The following HS6ST3 variants were observed in gnomAD, a reference collection of about 807,000 sequenced individuals.
HS6ST3 encodes the protein heparan-sulfate 6-O-sulfotransferase 3.
Under a neutral mutation model 36.7 loss-of-function variants are expected in HS6ST3, and 12 were observed. That is an observed-to-expected ratio of 0.33 (90% CI 0.21 to 0.53). HS6ST3 has a LOEUF of 0.53. Ranked by LOEUF, HS6ST3 falls within the 20% of genes least tolerant of loss-of-function variation. The pLI is 0.95. For synonymous variants in HS6ST3, 240 were observed against 257.5 expected, an observed-to-expected ratio of 0.93 and a Z score of 0.65; for missense variants, 584 against 640.9, an observed-to-expected ratio of 0.91 and a Z score of 0.96.
chr13:96,113,331 T>G (rs1042362570), intron 1 of HS6ST3, among the ~76,000 whole-genome samples: 1 of 152,114 alleles, frequency 6.6e-6, no homozygotes, highest in Non-Finnish European at 1.5e-5. Context: ...GTGACTTGTT[T>G]TCTAGAAGTT....
At chr13:96,205,967 G>C (rs564081438) in intron 1 of HS6ST3, among the ~76,000 whole-genome samples, 2 of 152,148 alleles carry the variant, frequency 1.3e-5, no homozygotes, top group South Asian at 4.1e-4. Flanking sequence ...TGGCCAGGGA[G>C]ATCAGGCAAG....
At chr13:96,360,313 CAA>C (rs10712847) in intron 1 of HS6ST3, among the ~76,000 whole-genome samples, 3 of 151,304 alleles carry the variant, frequency 2.0e-5, no homozygotes, top group African/African-American at 2.4e-5. Flanking sequence ...GAGCTACTGA[CAA>C]AAAAAAATAG....
At chr13:96,238,533 C>T (rs1296990827) in intron 1 of HS6ST3, among the ~76,000 whole-genome samples, 1 of 152,202 alleles carries the variant, frequency 6.6e-6, no homozygotes, top group African/African-American at 2.4e-5. Flanking sequence ...AGATTAAATG[C>T]AGTTAATTCA....
chr13:96,326,546 A>G (rs888185822), intron 1 of HS6ST3, among the ~76,000 whole-genome samples: 1 of 151,998 alleles, frequency 6.6e-6, no homozygotes, highest in African/African-American at 2.4e-5. Flanking sequence ...TATGGTGTAT[A>G]TGTGCCACAT....
chr13:96,595,617 A>G (rs2056398710), intron 1 of HS6ST3, among the ~76,000 whole-genome samples: 1 of 152,028 alleles, frequency 6.6e-6, no homozygotes, highest in African/African-American at 2.4e-5. Context: ...TTTTTTAGAT[A>G]AGCTTTATAG....
intron 1 of HS6ST3, among the ~76,000 whole-genome samples, chr13:96,764,807 T>C (rs1877059222): frequency 1.3e-5 from 2 of 152,208 alleles, no homozygotes; most frequent in Non-Finnish European, 2.9e-5. Context: ...GTTTTTGCTT[T>C]TTATGGGTCT....
chr13:96,722,632 T>C, intron 1 of HS6ST3, among the ~76,000 whole-genome samples: 1 of 152,208 alleles, frequency 6.6e-6, no homozygotes, highest in Non-Finnish European at 1.5e-5. Flanking sequence ...TTTATTCTCC[T>C]CTACAATGGG....
At chr13:96,697,860 A>G (rs1356005453) in intron 1 of HS6ST3, among the ~76,000 whole-genome samples, 2 of 152,182 alleles carry the variant, frequency 1.3e-5, no homozygotes, top group African/African-American at 4.8e-5. Context: ...GCCTTTTTGA[A>G]GACAACGGTA....
At chr13:96,103,095 T>G (rs2053825479) in intron 1 of HS6ST3, among the ~76,000 whole-genome samples, 1 of 152,182 alleles carries the variant, frequency 6.6e-6, no homozygotes, top group African/African-American at 2.4e-5. Flanking sequence ...TCCCTAACCA[T>G]TTACAGTAAT....
chr13:96,669,948 G>A (rs1336096), intron 1 of HS6ST3, among the ~76,000 whole-genome samples: 16,135 of 152,056 alleles, frequency 0.11, 898 homozygotes, highest in Admixed American at 0.17. Context: ...ACAAATAGGG[G>A]CTAGAAATTT....
At chr13:96,275,804 G>T (rs1221723958) in intron 1 of HS6ST3, among the ~76,000 whole-genome samples, 2 of 150,524 alleles carry the variant, frequency 1.3e-5, no homozygotes. Context: ...GTCAGTAGCT[G>T]TGAAATTAAA....
At chr13:96,590,148 A>G (rs2056377188) in intron 1 of HS6ST3, among the ~76,000 whole-genome samples, 1 of 151,978 alleles carries the variant, frequency 6.6e-6, no homozygotes, top group Non-Finnish European at 1.5e-5. Context: ...TACAATAAAC[A>G]TGAGTGCAAA....
chr13:96,689,606 C>CTTTTTTTTTTTTTTTTT lies in HS6ST3; in HGVS notation c.708-142868_708-142867insTTTTTTTTTTTTTTTTT, dbSNP rs34000071. Among the ~76,000 whole-genome samples the CTTTTTTTTTTTTTTTTT allele has an allele frequency of 8.4e-4, 85 of 101,042 alleles. 1 individual carries two copies. The highest frequency in any genetic ancestry group is 1.1e-3 in the Non-Finnish European group (60 of 53,436). The allele number at this position is 101,042 out of a possible 152,430, so 66.3% of individuals were successfully genotyped here. A position where few individuals can be genotyped will look rare whatever the true frequency, so the allele number is the denominator to read the frequency against. ...TTTGTAGTTTTTGCTTTCTTTCTTT[C>CTTTTTTTTTTTTTTTTT]TTTTTTTTTTTTTTTTGGTGATTGT... is the stretch of plus-strand genomic sequence containing the variant. On this transcript the variant is annotated intron_variant, in intron 1 of 1. Transcript: ENST00000376705.
chr13:96,243,706 A>C (rs1262515039), intron 1 of HS6ST3, among the ~76,000 whole-genome samples: 1 of 152,154 alleles, frequency 6.6e-6, no homozygotes, highest in Non-Finnish European at 1.5e-5. Flanking sequence ...CTTTACATGC[A>C]AATTAATAGT....
At chr13:96,342,945 C>T (rs2055137466) in intron 1 of HS6ST3, among the ~76,000 whole-genome samples, 1 of 152,218 alleles carries the variant, frequency 6.6e-6, no homozygotes, top group Non-Finnish European at 1.5e-5. Flanking sequence ...CTGTGTCTTG[C>T]AACTTCATGT....
At chr13:96,244,276 A>G (rs1594729314) in intron 1 of HS6ST3, among the ~76,000 whole-genome samples, 1 of 152,318 alleles carries the variant, frequency 6.6e-6, no homozygotes, top group African/African-American at 2.4e-5. Flanking sequence ...ATAATCTCAC[A>G]GGTGTACTGA....
chr13:96,258,497 A>G (rs1266554297), intron 1 of HS6ST3, among the ~76,000 whole-genome samples: 1 of 152,216 alleles, frequency 6.6e-6, no homozygotes, highest in East Asian at 1.9e-4. Context: ...TATGAGCCCC[A>G]ATTGTTTGTT....
At chr13:96,474,368 G>C (rs372027643) in intron 1 of HS6ST3, among the ~76,000 whole-genome samples, 2 of 152,154 alleles carry the variant, frequency 1.3e-5, no homozygotes, top group Non-Finnish European at 1.5e-5. Context: ...AGGGACTGGC[G>C]TGACTGTGTT....
intron 1 of HS6ST3, among the ~76,000 whole-genome samples, chr13:96,546,365 G>A (rs112149461): frequency 6.6e-6 from 1 of 152,036 alleles, no homozygotes. Context: ...TTTAAGCTCC[G>A]TATTACAAGT....
Sources: allele counts gnomAD v4.1 joint callset (sites outside exome capture counted in the v4.1 genomes callset), GRCh38; gene constraint gnomAD v4.1.1; transcripts MANE v1.5; gene names NCBI Gene and HGNC (gene_info 2026-07-23, HGNC 2026-07-21).